The following FBXW11 variants were observed in gnomAD, a reference collection of about 807,000 sequenced individuals.
The protein encoded by FBXW11 is F-box/WD repeat-containing protein 11.
FBXW11 carries 19 observed loss-of-function variants against 77.6 expected under a neutral mutation model. The ratio of observed to expected loss-of-function variants is 0.24; its 90% CI spans 0.17 to 0.36. The LOEUF is 0.36. FBXW11 is among the 10% of genes least tolerant of loss of function. The probability of loss-of-function intolerance (pLI) is 1.00; values close to 1 mark genes in which losing one functional copy is unlikely to be tolerated. For synonymous variants in FBXW11, 235 were observed against 249.4 expected, an observed-to-expected ratio of 0.94 and a Z score of 0.54; for missense variants, 334 against 704.2, an observed-to-expected ratio of 0.47 and a Z score of 5.95.
At chr5:171,932,402 G>A (rs1260508225) in intron 2 of FBXW11, among the ~76,000 whole-genome samples, 1 of 152,132 alleles carries the variant, frequency 6.6e-6, no homozygotes, top group Non-Finnish European at 1.5e-5. Flanking sequence ...ATGAAATGCT[G>A]GAGAAGATGT....
chr5:171,993,482 G>A (rs1156707869), intron 1 of FBXW11, among the ~76,000 whole-genome samples: 1 of 152,052 alleles, frequency 6.6e-6, no homozygotes, highest in African/African-American at 2.4e-5. Flanking sequence ...GTGTGGTGAT[G>A]CGTGCCTGTA....
At chr5:171,999,435 T>G (rs1766280007) in intron 1 of FBXW11, among the ~76,000 whole-genome samples, 1 of 151,928 alleles carries the variant, frequency 6.6e-6, no homozygotes, top group African/African-American at 2.4e-5. Flanking sequence ...ATATATTTCT[T>G]CAATCCCTAA....
intron 13 of FBXW11, among the ~76,000 whole-genome samples, chr5:171,866,917 G>A (rs908448760): frequency 1.3e-5 from 2 of 152,204 alleles, no homozygotes; most frequent in Non-Finnish European, 2.9e-5. Context: ...CAGGGCAGAA[G>A]ATTATGATCA....
At chr5:171,986,392 G>A (rs1367257982) in intron 1 of FBXW11, among the ~76,000 whole-genome samples, 2 of 151,960 alleles carry the variant, frequency 1.3e-5, no homozygotes, top group Non-Finnish European at 2.9e-5. Context: ...GACAGAGTGA[G>A]ACTCTGTCTC....
intron 2 of FBXW11, among the ~76,000 whole-genome samples, chr5:171,938,647 C>A (rs898090753): frequency 6.6e-6 from 1 of 152,120 alleles, no homozygotes; most frequent in Non-Finnish European, 1.5e-5. Flanking sequence ...ATTCCACTTA[C>A]AGGAATTCTC....
At position 171,924,751 on chromosome 5, in the gene FBXW11, C is replaced by T. The variant is rs143677380; in HGVS notation, c.148-10346G>A. 3.6e-4 allele frequency among the ~76,000 whole-genome samples: 55 copies of T among 151,674 alleles called. 1 individual carries two copies. The East Asian group carries it at 1.0e-2, about 27-fold the overall frequency. The stretch of plus-strand genomic sequence containing the variant: ...TTAAATGAGCTGTAACATAAGTGGG[C>T]TGAAACACGTCCCACCCCCCCACCC... On this transcript the variant is annotated intron_variant, in intron 2 of 13. Coordinates refer to ENST00000517395, the MANE Select transcript of FBXW11 (RefSeq NM_001378974.1).
At chr5:171,898,193 C>T (rs1399769069) in intron 6 of FBXW11, among the ~76,000 whole-genome samples, 1 of 152,126 alleles carries the variant, frequency 6.6e-6, no homozygotes, top group African/African-American at 2.4e-5. Context: ...AATTTTGGCA[C>T]AATAACTTTT....
intron 4 of FBXW11, among the ~76,000 whole-genome samples, chr5:171,906,894 T>C (rs998664605): frequency 6.6e-6 from 1 of 152,214 alleles, no homozygotes; most frequent in Non-Finnish European, 1.5e-5. Flanking sequence ...ACATTTATGG[T>C]CCATAATGGC....
intron 4 of FBXW11, among the ~76,000 whole-genome samples, chr5:171,901,204 AAC>A (rs746085116): frequency 2.0e-5 from 3 of 152,222 alleles, no homozygotes; most frequent in Non-Finnish European, 2.9e-5. Context: ...AATCAAATTC[AAC>A]AGTTTTATGA....
chr5:171,867,512 G>C (rs1757478296), intron 13 of FBXW11, among the ~76,000 whole-genome samples: 1 of 150,144 alleles, frequency 6.7e-6, no homozygotes, highest in Non-Finnish European at 1.5e-5. Flanking sequence ...AAAACGGGTA[G>C]TGAGTTAATT....
At chr5:171,900,513 C>A (rs181608848) in intron 4 of FBXW11, among the ~76,000 whole-genome samples, 1 of 152,238 alleles carries the variant, frequency 6.6e-6, no homozygotes, top group East Asian at 1.9e-4. Flanking sequence ...ACTCGGATTT[C>A]TTGCTTCAAA....
chr5:171,874,197 G>C (rs969211163), intron 9 of FBXW11, among the ~76,000 whole-genome samples: 1 of 152,104 alleles, frequency 6.6e-6, no homozygotes, highest in Non-Finnish European at 1.5e-5. Context: ...TTTTTAAAGT[G>C]GGCAAAAGAT....
At chr5:171,941,844 G>A (rs189398540) in intron 2 of FBXW11, among the ~76,000 whole-genome samples, 93 of 150,724 alleles carry the variant, frequency 6.2e-4, no homozygotes, top group African/African-American at 1.6e-3. Context: ...TGGGAAAGAC[G>A]CATGAACCTG....
chr5:171,969,996 C>T (rs866844269), intron 1 of FBXW11, among the ~76,000 whole-genome samples: 6 of 152,200 alleles, frequency 3.9e-5, no homozygotes, highest in African/African-American at 9.7e-5. Context: ...TGAGCAACCA[C>T]GCCTGGCTTA....
At chr5:171,873,989 A>C (rs933308324) in intron 9 of FBXW11, among the ~76,000 whole-genome samples, 1 of 152,212 alleles carries the variant, frequency 6.6e-6, no homozygotes, top group African/African-American at 2.4e-5. Context: ...ACACATAAGC[A>C]CTGAAACTAT....
At chr5:171,896,560 C>T (rs1253287088) in intron 6 of FBXW11, among the ~76,000 whole-genome samples, 1 of 152,194 alleles carries the variant, frequency 6.6e-6, no homozygotes, top group Non-Finnish European at 1.5e-5. Flanking sequence ...CTTTCTCCCT[C>T]ACTTCCTGAA....
chr5:171,949,118 C>T (rs916110060), intron 2 of FBXW11, among the ~76,000 whole-genome samples: 1 of 152,202 alleles, frequency 6.6e-6, no homozygotes, highest in African/African-American at 2.4e-5. Flanking sequence ...AAGTCCATAT[C>T]ATCAGTAAGA....
chr5:171,932,650 C>A (rs567186761), intron 2 of FBXW11, among the ~76,000 whole-genome samples: 23 of 152,244 alleles, frequency 1.5e-4, no homozygotes, highest in African/African-American at 4.3e-4. Context: ...CAGTTTCTTA[C>A]AAAACTATAT....
chr5:171,890,738 T>TA (rs2113840740), intron 7 of FBXW11, among the ~76,000 whole-genome samples: 1 of 152,020 alleles, frequency 6.6e-6, no homozygotes, highest in Admixed American at 6.5e-5. Context: ...CTTCAACAGG[T>TA]GAATGGGTAA....
Sources: gnomAD v4.1 joint callset for allele counts (sites outside exome capture counted in the v4.1 genomes callset) on GRCh38, gnomAD v4.1.1 for gene constraint, MANE v1.5 for transcripts, NCBI Gene and HGNC (gene_info 2026-07-23, HGNC 2026-07-21) for gene names.